Variants in PDE8A observed in about 807,000 individuals in gnomAD.
The protein encoded by PDE8A is high affinity cAMP-specific and IBMX-insensitive 3',5'-cyclic phosphodiesterase 8A.
PDE8A carries 59 observed loss-of-function variants against 105.0 expected under a neutral mutation model. That is an observed-to-expected ratio of 0.56 (90% CI 0.46 to 0.70). The LOEUF (loss-of-function observed/expected upper bound fraction) is 0.70, where lower values mean the gene tolerates loss of function less well. Among genes scored for constraint, PDE8A ranks in the 30% least tolerant of loss-of-function variants. The pLI is 0.00. For synonymous variants in PDE8A, 355 were observed against 371.9 expected, an observed-to-expected ratio of 0.95 and a Z score of 0.52; for missense variants, 1,014 against 1,045.9, an observed-to-expected ratio of 0.97 and a Z score of 0.42.
intron 20 of PDE8A, among the ~76,000 whole-genome samples, chr15:85,128,633 T>C (rs1297762380): frequency 3.3e-5 from 5 of 152,208 alleles, no homozygotes; most frequent in Non-Finnish European, 2.9e-5. Context: ...TATTTACAAA[T>C]TATATTTGAA....
At chr15:85,026,499 A>G (rs886545322) in intron 1 of PDE8A, among the ~76,000 whole-genome samples, 3 of 152,182 alleles carry the variant, frequency 2.0e-5, no homozygotes, top group African/African-American at 7.2e-5. Context: ...AGGACATTTG[A>G]TAACCTTGCC....
At chr15:85,044,762 C>G (rs1288044347) in intron 1 of PDE8A, among the ~76,000 whole-genome samples, 1 of 152,232 alleles carries the variant, frequency 6.6e-6, no homozygotes, top group Non-Finnish European at 1.5e-5. Flanking sequence ...TGCCTCTACT[C>G]TCATCCTCCC....
intron 20 of PDE8A, among the ~76,000 whole-genome samples, chr15:85,133,033 C>T (rs1194865588): frequency 5.3e-5 from 8 of 152,170 alleles, no homozygotes; most frequent in Non-Finnish European, 8.8e-5. Flanking sequence ...AGCCACCTCT[C>T]CTAGTCTTTG....
At chr15:85,002,774 T>C (rs1019732407) in intron 1 of PDE8A, among the ~76,000 whole-genome samples, 1 of 152,186 alleles carries the variant, frequency 6.6e-6, no homozygotes. Context: ...TTTCCACAAA[T>C]CACCTCATTA....
At chr15:85,008,360 A>G (rs1476103526) in intron 1 of PDE8A, among the ~76,000 whole-genome samples, 2 of 151,918 alleles carry the variant, frequency 1.3e-5, no homozygotes, top group Non-Finnish European at 2.9e-5. Context: ...GATACCCGTA[A>G]TACTCTGTCA....
chr15:85,109,108 T>C lies in PDE8A; in HGVS notation c.1092T>C (p.Ala364=). 2 of 1,611,450 alleles carry C rather than the reference T, an allele frequency of 1.2e-6. No individual in the cohort carries two copies. Among genetic ancestry groups the C allele is most frequent in the Non-Finnish European group, 1.7e-6 (2 of 1,177,928 alleles). ...DRRKGSLDVK[A]VASRATEVSS... ...GAAAAGGCTCACTAGACGTCAAAGCTGTTGCCTCCCGTGCAACTGAAGGTG... is the reference window on the plus strand; with the variant it reads ...GAAAAGGCTCACTAGACGTCAAAGCCGTTGCCTCCCGTGCAACTGAAGGTG... The change falls in exon 12 of 22, where the codon GCT becomes GCC. Residue 364 remains alanine (A), a synonymous_variant. Coordinates refer to ENST00000394553, the MANE Select transcript of PDE8A (RefSeq NM_002605.3).
At chr15:85,132,743 C>G (rs2082346846) in intron 20 of PDE8A, among the ~76,000 whole-genome samples, 2 of 152,114 alleles carry the variant, frequency 1.3e-5, no homozygotes, top group Non-Finnish European at 2.9e-5. Flanking sequence ...AGGTGTGAAC[C>G]ACCGCACCTG....
intron 5 of PDE8A, among the ~76,000 whole-genome samples, chr15:85,083,161 C>T (rs2081494094): frequency 6.6e-6 from 1 of 152,164 alleles, no homozygotes; most frequent in African/African-American, 2.4e-5. Flanking sequence ...TTAAAGCGGA[C>T]CAAATACTGT....
At chr15:85,136,753 G>T (rs11073962) in intron 21 of PDE8A, 90 bp downstream of exon 21, 11 of 1,281,598 alleles carry the variant, frequency 8.6e-6, no homozygotes, top group Non-Finnish European at 1.2e-5. Flanking sequence ...TGTAGAATAT[G>T]ATTTGGGGCC....
intron 1 of PDE8A, among the ~76,000 whole-genome samples, chr15:85,002,160 C>T (rs1190873659): frequency 2.0e-5 from 3 of 151,594 alleles, no homozygotes; most frequent in South Asian, 2.1e-4. Flanking sequence ...TTAGTGTAGA[C>T]CCCCCAGGTT....
intron 11 of PDE8A, among the ~76,000 whole-genome samples, chr15:85,105,390 G>T (rs1279419726): frequency 1.3e-5 from 2 of 152,104 alleles, no homozygotes; most frequent in African/African-American, 2.4e-5. Flanking sequence ...GAGATGTTCC[G>T]ACAGTCAGCT....
chr15:85,002,648 A>G (rs937429255), intron 1 of PDE8A, among the ~76,000 whole-genome samples: 1 of 152,090 alleles, frequency 6.6e-6, no homozygotes, highest in Admixed American at 6.5e-5. Flanking sequence ...AGCGATTCCC[A>G]TTTCCTCTCA....
intron 11 of PDE8A, among the ~76,000 whole-genome samples, chr15:85,103,063 AT>A (rs2081891402): frequency 6.6e-6 from 1 of 152,004 alleles, no homozygotes; most frequent in Admixed American, 6.6e-5. Context: ...TGTACCAAAC[AT>A]ACAAAAAATT....
At chr15:85,001,073 C>T (rs1596423001) in intron 1 of PDE8A, among the ~76,000 whole-genome samples, 1 of 152,150 alleles carries the variant, frequency 6.6e-6, no homozygotes, top group East Asian at 1.9e-4. Context: ...AGACTCCTTT[C>T]TTTGGTCTGT....
At chr15:85,102,151 G>A (rs1251326767) in intron 11 of PDE8A, among the ~76,000 whole-genome samples, 1 of 152,032 alleles carries the variant, frequency 6.6e-6, no homozygotes, top group Non-Finnish European at 1.5e-5. Flanking sequence ...GAGGGGTGAG[G>A]TGGATTCCTA....
intron 1 of PDE8A, among the ~76,000 whole-genome samples, chr15:85,007,204 T>C (rs370276219): frequency 2.0e-5 from 3 of 151,946 alleles, no homozygotes; most frequent in Non-Finnish European, 2.9e-5. Flanking sequence ...ACAGATGATA[T>C]AGGGCCAGGC....
intron 11 of PDE8A, among the ~76,000 whole-genome samples, chr15:85,102,747 G>C (rs1240719261): frequency 6.6e-6 from 1 of 151,196 alleles, no homozygotes; most frequent in Non-Finnish European, 1.5e-5. Context: ...GCTGAGGCAG[G>C]AGAATCACTT....
chr15:85,069,348 T>A (rs1253121038), intron 3 of PDE8A, among the ~76,000 whole-genome samples: 2 of 152,204 alleles, frequency 1.3e-5, no homozygotes, highest in African/African-American at 2.4e-5. Flanking sequence ...TGGGGCTCAC[T>A]AAGTGAAACC....
chr15:85,133,918 T>A (rs2082364716), intron 20 of PDE8A, among the ~76,000 whole-genome samples: 1 of 152,188 alleles, frequency 6.6e-6, no homozygotes, highest in Admixed American at 6.5e-5. Context: ...CTTGCCTGGC[T>A]CTGTGCCAGG....
Sources: allele counts gnomAD v4.1 joint callset (sites outside exome capture counted in the v4.1 genomes callset), GRCh38; gene constraint gnomAD v4.1.1; transcripts MANE v1.5; gene names NCBI Gene and HGNC (gene_info 2026-07-23, HGNC 2026-07-21).